Variants in TREM1 observed in about 807,000 individuals in gnomAD.
The protein encoded by TREM1 is triggering receptor expressed on monocytes 1.
TREM1 carries 16 observed loss-of-function variants against 22.4 expected under a neutral mutation model. The observed-to-expected ratio is 0.71, with a 90% CI of 0.48 to 1.08. TREM1 has a LOEUF of 1.08. Among genes scored for constraint, TREM1 ranks in the 50% least tolerant of loss-of-function variants. The probability of loss-of-function intolerance (pLI) is 0.00; values close to 1 mark genes in which losing one functional copy is unlikely to be tolerated. For missense variants in TREM1, 283 were observed against 282.9 expected, an observed-to-expected ratio of 1.00 and a Z score of 0.00; for synonymous variants, 110 against 111.6, an observed-to-expected ratio of 0.99 and a Z score of 0.09.
chr6:41,274,758 T>C lies in TREM1; in HGVS notation c.*1367A>G, dbSNP rs1177681450. On this transcript the variant is annotated 3_prime_UTR_variant, in exon 4 of 4. Transcript: ENST00000244709. ...AGCATTTAGGGGAATGGGGAAGTCC[T>C]TATGCGATGGAGCAGTCTGGAAGCT... Among the ~76,000 whole-genome samples the C allele has an allele frequency of 6.6e-6, 1 of 152,110 alleles. No individual in the cohort carries two copies. Among genetic ancestry groups the C allele is most frequent in the Non-Finnish European group, 1.5e-5 (1 of 68,000 alleles).
Position 41,282,541 on chromosome 6 carries a change from AG to A in TREM1, c.259del (p.Leu87Ter). 6.2e-7 allele frequency: 1 copy of A among 1,614,202 alleles called. No homozygotes were observed. Among genetic ancestry groups the A allele is most frequent in the Non-Finnish European group, 8.5e-7 (1 of 1,180,044 alleles). ...TAAACCATGATCATGGTAGTCTTCTAGTATGATCCTCCCCACTTGGACTGGA... is the reference window on the plus strand; with the variant it reads ...TAAACCATGATCATGGTAGTCTTCTATATGATCCTCCCCACTTGGACTGGA... Reference protein sequence around the residue: ...SHPVQVGRIILEDYHDHGLLR... With the variant: ...SHPVQVGRIIXEDYHDHGLLR... On this transcript the variant is annotated frameshift_variant, in exon 2 of 4. Transcript: ENST00000244709. LOFTEE classifies it high-confidence loss of function.
downstream of TREM1, among the ~76,000 whole-genome samples, chr6:41,272,092 G>GT (rs541642568): frequency 3.8e-4 from 58 of 152,282 alleles, no homozygotes; most frequent in African/African-American, 1.3e-3. Context: ...CACGAGGCTG[G>GT]GTGGCTACTT....
downstream of TREM1, among the ~76,000 whole-genome samples, chr6:41,273,417 A>T (rs771980184): frequency 6.6e-5 from 10 of 152,230 alleles, no homozygotes; most frequent in Non-Finnish European, 1.5e-4. Flanking sequence ...AGGCACTATC[A>T]TGCCCATTAA....
At position 41,276,165 on chromosome 6, in the gene TREM1, G is replaced by A. The variant is rs536495063; in HGVS notation, c.665C>T (p.Ser222Phe). ...CCTCAGCGTGACAGCAAACAGGACA[G>A]AGAAGACCAGGCTCTTACTCAGGAA... ...GGFLSKSLVF[S>F]VLFAVTLRSF... is the part of the protein sequence containing the mutation. Residue 222 changes from serine to phenylalanine, a missense_variant, in exon 4 of 4, where the codon TCT becomes TTT. Physicochemically the swap from Ser to Phe is radical, Grantham distance 155. Coordinates refer to ENST00000244709, the MANE Select transcript of TREM1 (RefSeq NM_018643.5). 3.7e-6 allele frequency: 6 copies of A among 1,614,168 alleles called. No individual in the cohort carries two copies. Among genetic ancestry groups the A allele is most frequent in the Admixed American group, 3.3e-5 (2 of 60,022 alleles).
chr6:41,283,953 A>C (rs1249748170), intron 1 of TREM1, among the ~76,000 whole-genome samples: 1 of 152,146 alleles, frequency 6.6e-6, no homozygotes, highest in East Asian at 1.9e-4. Context: ...AAACAGGCAG[A>C]AAGTGAGTGG....
intron 3 of TREM1, among the ~76,000 whole-genome samples, chr6:41,277,137 A>G (rs1023542286): frequency 6.6e-6 from 1 of 152,192 alleles, no homozygotes; most frequent in Non-Finnish European, 1.5e-5. Context: ...GAATAAAGCA[A>G]AGCAATTGAT....
intron 3 of TREM1, among the ~76,000 whole-genome samples, chr6:41,276,745 G>A (rs1767687503): frequency 6.6e-6 from 1 of 152,118 alleles, no homozygotes. Flanking sequence ...CACTTGGCCA[G>A]TTCCATCAGC....
intron 3 of TREM1, chr6:41,280,335 A>G: frequency 1.0e-6 from 1 of 985,544 alleles, no homozygotes; most frequent in Non-Finnish European, 1.2e-6. Flanking sequence ...GAAATCTCCT[A>G]AACATCTTAT....
chr6:41,281,304 G>A (rs1767911946), intron 2 of TREM1, 151 bp from the exon 3 acceptor site: 7 of 885,544 alleles, frequency 7.9e-6, no homozygotes, highest in East Asian at 2.7e-5. Context: ...GGAGGGAAAT[G>A]AGCATGGCCC....
intron 1 of TREM1, 34 bp downstream of exon 1, chr6:41,286,573 C>T (rs1309800958): frequency 1.2e-5 from 20 of 1,612,580 alleles, no homozygotes; most frequent in African/African-American, 2.7e-5. Context: ...CTGGACCAAA[C>T]GCCTCCCCTG....
intron 3 of TREM1, among the ~76,000 whole-genome samples, chr6:41,278,153 T>C (rs529100189): frequency 6.6e-5 from 10 of 151,780 alleles, no homozygotes; most frequent in Non-Finnish European, 1.5e-4. Context: ...CTCAAATTCC[T>C]GGGCTCAAGT....
intron 2 of TREM1, 44 bp from the exon 3 acceptor site, chr6:41,281,197 T>C (rs760827706): frequency 1.4e-5 from 23 of 1,594,572 alleles, no homozygotes; most frequent in Non-Finnish European, 2.0e-5. Context: ...AGATGGATGA[T>C]GAATGGGTGG....
Position 41,280,693 on chromosome 6 carries a change from G to A in TREM1, c.599+268C>T, listed in dbSNP as rs938489758. 8.4e-6 allele frequency: 12 copies of A among 1,422,454 alleles called. No homozygotes were observed. In the Admixed American group the frequency reaches 1.2e-4, roughly 14 times the overall value. The allele number at this position is 1,422,454 out of a possible 1,614,324, so 88.1% of individuals were successfully genotyped here. A position where few individuals can be genotyped will look rare whatever the true frequency, so the allele number is the denominator to read the frequency against. ...TGGATGAGCTCCACTGGAACTTGGG[G>A]AAGATGCCATTTCCCTCTCTTTAAT... On this transcript the variant is annotated intron_variant, in intron 3 of 3. Coordinates refer to ENST00000244709, the MANE Select transcript of TREM1 (RefSeq NM_018643.5).
intron 3 of TREM1, 105 bp from the exon 4 acceptor site, chr6:41,276,335 C>A: frequency 1.3e-6 from 1 of 780,838 alleles, no homozygotes; most frequent in Non-Finnish European, 2.2e-6. Flanking sequence ...CTGCTTAGAT[C>A]CTTGCTCCAC....
rs564548940 is a variant in TREM1, at chr6:41,275,773, C to G, written c.*352G>C. ...TTGTATGGTCCAGGGCAAAACTGAG[C>G]AGGAGAAGTATCAGGTGTGCCTTCT... On this transcript the variant is annotated 3_prime_UTR_variant, in exon 4 of 4. Transcript: ENST00000244709. 61 of 305,600 alleles carry G rather than the reference C, an allele frequency of 2.0e-4. 1 individual carries two copies. The highest frequency in any genetic ancestry group is 1.3e-3 in the African/African-American group (58 of 46,328). The allele number at this position is 305,600 out of a possible 1,614,324, so 18.9% of individuals were successfully genotyped here. A position where few individuals can be genotyped will look rare whatever the true frequency, so the allele number is the denominator to read the frequency against.
intron 3 of TREM1, among the ~76,000 whole-genome samples, chr6:41,277,663 T>G (rs1299319066): frequency 6.6e-6 from 1 of 152,182 alleles, no homozygotes; most frequent in East Asian, 1.9e-4. Context: ...ACCAACCCCC[T>G]GAAGGGCCAG....
In TREM1 at chr6:41,274,484, C is replaced by T. The variant is rs1415275586; in HGVS notation, c.*1641G>A. ...GCTAAAGTGTGGGGTTCCAGACCAG[C>T]AAGCTCAGCATTATTATAAACACTG... On this transcript the variant is annotated 3_prime_UTR_variant, in exon 4 of 4. Transcript: ENST00000244709. Among the ~76,000 whole-genome samples the T allele has an allele frequency of 6.6e-6, 1 of 152,128 alleles. No homozygotes were observed. Among genetic ancestry groups the T allele is most frequent in the Non-Finnish European group, 1.5e-5 (1 of 68,034 alleles).
intron 2 of TREM1, 47 bp downstream of exon 2, chr6:41,282,348 C>G (rs941140908): frequency 1.4e-6 from 2 of 1,476,864 alleles, no homozygotes; most frequent in Admixed American, 1.8e-5. Flanking sequence ...ACCACTGCCC[C>G]TTTCCTCACC....
rs1339730297 is a variant in TREM1, at chr6:41,274,345, C to T, written c.*1780G>A. Among the ~76,000 whole-genome samples, 1 of 152,058 alleles carries T rather than the reference C, an allele frequency of 6.6e-6. No homozygotes were observed. The highest frequency in any genetic ancestry group is 2.4e-5 in the African/African-American group (1 of 41,398). On this transcript the variant is annotated 3_prime_UTR_variant, in exon 4 of 4. Transcript: ENST00000244709. The stretch of plus-strand genomic sequence containing the variant: ...AGAATCTGATGCGGTGGCCTAAAGA[C>T]CTCTGAAAAACATTGCCCTCATGTG...
Sources: allele counts gnomAD v4.1 joint callset (sites outside exome capture counted in the v4.1 genomes callset), GRCh38; gene constraint gnomAD v4.1.1; transcripts MANE v1.5; gene names NCBI Gene and HGNC (gene_info 2026-07-23, HGNC 2026-07-21).